The following PLCD4 variants were observed in gnomAD, a reference collection of about 807,000 sequenced individuals.
The protein encoded by PLCD4 is 1-phosphatidylinositol 4,5-bisphosphate phosphodiesterase delta-4.
Under a neutral mutation model 90.2 loss-of-function variants are expected in PLCD4, and 63 were observed. The ratio of observed to expected loss-of-function variants is 0.70; its 90% CI spans 0.57 to 0.86. The LOEUF (loss-of-function observed/expected upper bound fraction) is 0.86, where lower values mean the gene tolerates loss of function less well. Ranked by LOEUF, PLCD4 falls within the 40% of genes least tolerant of loss-of-function variation. PLCD4 has a pLI of 0.00. For synonymous variants in PLCD4, 294 were observed against 356.5 expected (o/e 0.82, Z 1.97); for missense variants, 830 against 956.3 (o/e 0.87, Z 1.74).
intron 13 of PLCD4, 63 bp from the exon 14 acceptor site, chr2:218,635,733 G>A: frequency 1.3e-6 from 2 of 1,561,684 alleles, no homozygotes; most frequent in Non-Finnish European, 1.7e-6. Flanking sequence ...CTGGGGTTGG[G>A]AGTAGGGTCG....
chr2:218,636,969 A>G lies in PLCD4; in HGVS notation c.*392A>G. On this transcript the variant is annotated 3_prime_UTR_variant, in exon 16 of 16. Coordinates refer to ENST00000450993, the MANE Select transcript of PLCD4 (RefSeq NM_032726.4). ...TTGGAATAGAGAAACCTAAAGAAGC[A>G]TCATCCCCTCCATCCCCAACTTCCT... The G allele has an allele frequency of 2.2e-6, 1 of 455,480 alleles. No individual in the cohort carries two copies. The highest frequency in any genetic ancestry group is 4.4e-6 in the Non-Finnish European group (1 of 226,794). 28.2% of individuals were successfully genotyped at this position (455,480 alleles called of 1,614,324 possible). A position where few individuals can be genotyped will look rare whatever the true frequency, so the allele number is the denominator to read the frequency against.
At chr2:218,612,118 C>T (rs910510486) in intron 1 of PLCD4, among the ~76,000 whole-genome samples, 2 of 150,784 alleles carry the variant, frequency 1.3e-5, no homozygotes. Flanking sequence ...CCATGTTGTC[C>T]AGGATGGTCT....
intron 6 of PLCD4, among the ~76,000 whole-genome samples, chr2:218,626,458 G>C (rs1020637821): frequency 6.6e-6 from 1 of 152,198 alleles, no homozygotes; most frequent in African/African-American, 2.4e-5. Flanking sequence ...ACACCTGGCG[G>C]CCTGGGTTCA....
At chr2:218,618,915 C>A in intron 4 of PLCD4, 108 bp downstream of exon 4, 2 of 1,055,922 alleles carry the variant, frequency 1.9e-6, no homozygotes, top group Non-Finnish European at 2.8e-6. Context: ...GCTAGGGAGG[C>A]CCAAGGGTCC....
intron 6 of PLCD4, among the ~76,000 whole-genome samples, chr2:218,623,854 G>A (rs556601594): frequency 6.6e-6 from 1 of 152,126 alleles, no homozygotes; most frequent in Non-Finnish European, 1.5e-5. Flanking sequence ...GGCTAATTTT[G>A]TATTTTTAGT....
intron 2 of PLCD4, 36 bp downstream of exon 2, chr2:218,615,797 A>G (rs1338801526): frequency 1.2e-6 from 2 of 1,602,170 alleles, no homozygotes; most frequent in East Asian, 4.5e-5. Flanking sequence ...AAGAGGCCTT[A>G]GTGTACAGCT....
At chr2:218,624,454 T>G (rs1424974541) in intron 6 of PLCD4, among the ~76,000 whole-genome samples, 2 of 152,226 alleles carry the variant, frequency 1.3e-5, no homozygotes, top group Non-Finnish European at 2.9e-5. Context: ...CTGAGTGCAG[T>G]GGCTCACGCC....
chr2:218,634,757 T>C lies in PLCD4; in HGVS notation c.1896+127T>C. 8.8e-7 allele frequency: 1 copy of C among 1,142,200 alleles called. No homozygotes were observed. Among genetic ancestry groups the C allele is most frequent in the Admixed American group, 2.3e-5 (1 of 42,888 alleles). The allele number at this position is 1,142,200 out of a possible 1,614,324, so 70.8% of individuals were successfully genotyped here. On this transcript the variant is annotated intron_variant, in intron 13 of 15. Coordinates refer to ENST00000450993, the MANE Select transcript of PLCD4 (RefSeq NM_032726.4). The surrounding 1 kb of genome is among the most constrained non-coding windows in gnomAD (Gnocchi z 4.0). ...ATTAACAGTGTCTAGTTTTAGCTTTTGGAGCCAGCTGCCTAGCTTCAAACC... is the reference window on the plus strand; with the variant it reads ...ATTAACAGTGTCTAGTTTTAGCTTTCGGAGCCAGCTGCCTAGCTTCAAACC...
intron 3 of PLCD4, among the ~76,000 whole-genome samples, chr2:218,617,123 C>T (rs1695652424): frequency 1.4e-5 from 2 of 144,836 alleles, no homozygotes; most frequent in Admixed American, 1.4e-4. Flanking sequence ...CGCCACCACG[C>T]CCGGCTAATT....
In PLCD4 at chr2:218,628,107, C is replaced by A. The variant is rs570540098; in HGVS notation, c.851C>A (p.Ala284Asp). ...AAGGATGGAGACATCTTCAACCCAGCCTGCCTCCCCATCTATCAGGATATG... is the reference window on the plus strand; with the variant it reads ...AAGGATGGAGACATCTTCAACCCAGACTGCCTCCCCATCTATCAGGATATG... ...CSKDGDIFNP[A>D]CLPIYQDMTQ... is the part of the protein sequence containing the mutation. The change falls in exon 7 of 16, where the codon GCC becomes GAC. Residue 284 changes from alanine (A) to aspartate (D), a missense_variant. Coordinates refer to ENST00000450993, the MANE Select transcript of PLCD4 (RefSeq NM_032726.4). 6.2e-7 allele frequency: 1 copy of A among 1,613,966 alleles called. No homozygotes were observed. The highest frequency in any genetic ancestry group is 8.5e-7 in the Non-Finnish European group (1 of 1,179,828).
In PLCD4 at chr2:218,634,472, C is replaced by A. The variant is rs753874393; in HGVS notation, c.1738C>A (p.Gln580Lys). Residue 580 changes from glutamine (Q) to lysine (K), a missense_variant, in exon 13 of 16, where the codon CAG (glutamine) becomes AAG (lysine). Gln to Lys is a moderately conservative substitution (Grantham distance 53, BLOSUM62 1). Transcript: ENST00000450993. This position sits in a 1 kb window ranked among gnomAD's most constrained non-coding sequence, Gnocchi z 4.0. ...GGGGCCCTCAGTGGCCATGAATATG[C>A]AGACTGCAGGGCTTGAAATGGACAT... ...AGCQMVAMNM[Q>K]TAGLEMDICD... The A allele has an allele frequency of 6.2e-7, 1 of 1,612,574 alleles. No individual in the cohort carries two copies. The highest frequency in any genetic ancestry group is 1.1e-5 in the South Asian group (1 of 90,832).
Position 218,628,236 on chromosome 2 carries a change from G to A in PLCD4, c.974+6G>A. Reference sequence around the variant, plus strand: ...AGCGTCGAGGGATATATACGGTGCAGTGGTGGTAGAGAAGGGGTCCAACTC... The same window carrying A: ...AGCGTCGAGGGATATATACGGTGCAATGGTGGTAGAGAAGGGGTCCAACTC... On this transcript the variant is annotated splice_donor_region_variant and intron_variant, in intron 7 of 15. Coordinates refer to ENST00000450993, the MANE Select transcript of PLCD4 (RefSeq NM_032726.4). 1 of 1,613,236 alleles carries A rather than the reference G, an allele frequency of 6.2e-7. No homozygotes were observed. Among genetic ancestry groups the A allele is most frequent in the Non-Finnish European group, 8.5e-7 (1 of 1,179,246 alleles).
At chr2:218,614,275 T>C (rs978276235) in intron 1 of PLCD4, among the ~76,000 whole-genome samples, 78 of 152,136 alleles carry the variant, frequency 5.1e-4, no homozygotes, top group Non-Finnish European at 5.1e-4. Flanking sequence ...CGCCTTGGCC[T>C]CCCAAAGTGC....
chr2:218,633,346 A>G (rs1321385458), intron 10 of PLCD4: 1 of 703,210 alleles, frequency 1.4e-6, no homozygotes, highest in Admixed American at 2.0e-5. Flanking sequence ...TGATCCCAGC[A>G]GTACATGCAG....
chr2:218,624,006 T>C (rs931854905), intron 6 of PLCD4, among the ~76,000 whole-genome samples: 3 of 152,236 alleles, frequency 2.0e-5, no homozygotes, highest in Non-Finnish European at 2.9e-5. Context: ...TCTAATACAA[T>C]GACCTGTTGA....
intron 9 of PLCD4, among the ~76,000 whole-genome samples, chr2:218,631,501 G>A (rs538209680): frequency 1.4e-5 from 2 of 146,776 alleles, no homozygotes; most frequent in East Asian, 2.0e-4. Flanking sequence ...GCTTTCCCAC[G>A]GTAAGATTAT....
rs141965038 is a variant in PLCD4, at chr2:218,618,497, G to T, written c.182-82G>T. ...TCTTTTCTATGGTGTCATGGAGAAG[G>T]GGGTGCTGGTCCTTCACTCTTAGCC... On this transcript the variant is annotated intron_variant, in intron 3 of 15. Coordinates refer to ENST00000450993, the MANE Select transcript of PLCD4 (RefSeq NM_032726.4). The T allele has an allele frequency of 6.8e-4, 824 of 1,206,320 alleles. 1 individual carries two copies. The African/African-American group carries it at 0.011, about 15-fold the overall frequency. 74.7% of individuals were successfully genotyped at this position (1,206,320 alleles called of 1,614,324 possible). A position where few individuals can be genotyped will look rare whatever the true frequency, so the allele number is the denominator to read the frequency against.
At position 218,635,840 on chromosome 2, in the gene PLCD4, G is replaced by A. The variant is rs757585916; in HGVS notation, c.1941G>A (p.Glu647=). Residue 647 remains glutamate, a synonymous_variant, in exon 14 of 16, where the codon GAG becomes GAA. Coordinates refer to ENST00000450993, the MANE Select transcript of PLCD4 (RefSeq NM_032726.4). ...QQLPKVDKTK[E]GSIVDPLVKV... ...TCCCCAAAGTGGACAAGACCAAAGA[G>A]GGGTCCATTGTGGATCCACTGGTGA... 1 of 1,613,890 alleles carries A rather than the reference G, an allele frequency of 6.2e-7. No homozygotes were observed. Among genetic ancestry groups the A allele is most frequent in the South Asian group, 1.1e-5 (1 of 91,044 alleles).
rs202206034 is a variant in PLCD4 at position 218,636,515 on chromosome 2, C to T, written c.2227C>T (p.Arg743Cys). The T allele has an allele frequency of 2.2e-5, 35 of 1,613,978 alleles. No individual in the cohort carries two copies. Among genetic ancestry groups the T allele is most frequent in the East Asian group, 6.7e-5 (3 of 44,872 alleles). ...HLLSKDGISL[R>C]PASIFVYICI... ...GCTGTCCAAAGATGGCATCAGCCTC[C>T]GCCCAGCTTCCATCTTTGTGTATAT... Residue 743 changes from arginine (R) to cysteine (C), a missense_variant, in exon 16 of 16, where the codon CGC becomes TGC. By Grantham distance (180) the Arg-to-Cys change is radical. Coordinates refer to ENST00000450993, the MANE Select transcript of PLCD4 (RefSeq NM_032726.4).
Sources: gnomAD v4.1 joint callset for allele counts (sites outside exome capture counted in the v4.1 genomes callset) on GRCh38, gnomAD v4.1.1 for gene constraint, Gnocchi (gnomAD v3.1) non-coding constraint, MANE v1.5 for transcripts, NCBI Gene and HGNC (gene_info 2026-07-23, HGNC 2026-07-21) for gene names.